The following KCNQ1 variants were observed in gnomAD, a reference collection of about 807,000 sequenced individuals.
The protein encoded by KCNQ1 is potassium voltage-gated channel subfamily Q member 1.
Under a neutral mutation model 72.4 loss-of-function variants are expected in KCNQ1, and 49 were observed. The ratio of observed to expected loss-of-function variants is 0.68; its 90% CI spans 0.54 to 0.86. The LOEUF is 0.86. Among genes scored for constraint, KCNQ1 ranks in the 40% least tolerant of loss-of-function variants. KCNQ1 has a pLI of 0.00. For synonymous variants in KCNQ1, 450 were observed against 412.6 expected (o/e 1.09, Z -1.10); for missense variants, 790 against 945.1 (o/e 0.84, Z 2.15).
At position 2,588,964 on chromosome 11, in the gene KCNQ1, C is replaced by A. The variant is rs553006255; in HGVS notation, c.1393+110C>A. 7.6e-6 allele frequency: 10 copies of A among 1,309,534 alleles called. No homozygotes were observed. Among genetic ancestry groups the A allele is most frequent in the African/African-American group, 2.9e-5 (2 of 68,846 alleles). The allele number at this position is 1,309,534 out of a possible 1,614,324, so 81.1% of individuals were successfully genotyped here. A position where few individuals can be genotyped will look rare whatever the true frequency, so the allele number is the denominator to read the frequency against. The stretch of plus-strand genomic sequence containing the variant: ...TCCCTTGGGCTGTGGTCTCTGACAA[C>A]GAGGTATGAACAGACAGAGGGTGGA... On this transcript the variant is annotated intron_variant, in intron 10 of 15. Transcript: ENST00000155840. This position sits in a 1 kb window ranked among gnomAD's most constrained non-coding sequence, Gnocchi z 5.6.
At chr11:2,561,324 C>T (rs117453411) in intron 2 of KCNQ1, among the ~76,000 whole-genome samples, 2,858 of 152,306 alleles carry the variant, frequency 0.019, 38 homozygotes, top group Middle Eastern at 0.041. Flanking sequence ...TGGGCCAGCA[C>T]GGGACGGGGC....
chr11:2,478,858 T>C lies in KCNQ1; in HGVS notation c.386+33374T>C, dbSNP rs1029869506. ...GGCAAGTCCCTTCCACCTATGAGCC[T>C]GTAAAATCAAAAGCAAGTTAGTTAA... On this transcript the variant is annotated intron_variant, in intron 1 of 15. Coordinates refer to ENST00000155840, the MANE Select transcript of KCNQ1 (RefSeq NM_000218.3). The surrounding 1 kb of genome is among the most constrained non-coding windows in gnomAD (Gnocchi z 4.0). Among the ~76,000 whole-genome samples, 2 of 152,204 alleles carry C rather than the reference T, an allele frequency of 1.3e-5. No homozygotes were observed. The highest frequency in any genetic ancestry group is 2.4e-5 in the African/African-American group (1 of 41,442).
chr11:2,640,273 C>G (rs1392871023), intron 10 of KCNQ1: 5 of 397,612 alleles, frequency 1.3e-5, no homozygotes, highest in East Asian at 3.6e-5. Context: ...GTTGGAAATG[C>G]AGAAATCACC....
chr11:2,465,049 G>A (rs371968355), intron 1 of KCNQ1, among the ~76,000 whole-genome samples: 3 of 152,302 alleles, frequency 2.0e-5, no homozygotes, highest in South Asian at 4.1e-4. Context: ...ATGGGTAACG[G>A]CCGCTCCTTC....
intron 1 of KCNQ1, among the ~76,000 whole-genome samples, chr11:2,469,133 C>T (rs1437374744): frequency 6.6e-6 from 1 of 152,200 alleles, no homozygotes. Context: ...CCCTCCCTGG[C>T]ATTCCTGGTG....
chr11:2,582,201 C>T (rs989988651), intron 6 of KCNQ1, among the ~76,000 whole-genome samples: 1 of 152,190 alleles, frequency 6.6e-6, no homozygotes, highest in Non-Finnish European at 1.5e-5. Context: ...TGGGCAGTCG[C>T]GTGAGCCGTG....
Position 2,735,616 on chromosome 11 carries a change from C to T in KCNQ1, c.1515-33228C>T, listed in dbSNP as rs929159872. On this transcript the variant is annotated intron_variant, in intron 11 of 15. Coordinates refer to ENST00000155840, the MANE Select transcript of KCNQ1 (RefSeq NM_000218.3). The surrounding 1 kb of genome is among the most constrained non-coding windows in gnomAD (Gnocchi z 7.7). ...AGCACTTGGAGGAGCTGGGGGATGACATGAGTCCACTCCGCTGTCACCACC... is the reference window on the plus strand; with the variant it reads ...AGCACTTGGAGGAGCTGGGGGATGATATGAGTCCACTCCGCTGTCACCACC... Among the ~76,000 whole-genome samples the T allele has an allele frequency of 2.0e-5, 3 of 152,110 alleles. No individual in the cohort carries two copies. The highest frequency in any genetic ancestry group is 7.2e-5 in the African/African-American group (3 of 41,410).
intron 12 of KCNQ1, among the ~76,000 whole-genome samples, chr11:2,773,881 AC>A (rs1846646621): frequency 1.3e-5 from 2 of 149,906 alleles, no homozygotes; most frequent in South Asian, 4.3e-4. Context: ...TCAGCAACCC[AC>A]CTTACAGAAG....
rs1407429428 is a variant in KCNQ1 at position 2,768,465 on chromosome 11, T to C, written c.1515-379T>C. 6.6e-6 allele frequency among the ~76,000 whole-genome samples: 1 copy of C among 152,108 alleles called. No individual in the cohort carries two copies. Among genetic ancestry groups the C allele is most frequent in the Non-Finnish European group, 1.5e-5 (1 of 68,022 alleles). ...TGGGCATCGCCAGCATGTACCCTCT[T>C]ATCCCATTTGCTGACAAGGATCCTG... On this transcript the variant is annotated intron_variant, in intron 11 of 15. Coordinates refer to ENST00000155840, the MANE Select transcript of KCNQ1 (RefSeq NM_000218.3). This position sits in a 1 kb window ranked among gnomAD's most constrained non-coding sequence, Gnocchi z 6.7.
rs565975221 is a variant in KCNQ1 at position 2,734,408 on chromosome 11, C to T, written c.1515-34436C>T. Among the ~76,000 whole-genome samples, 7 of 152,352 alleles carry T rather than the reference C, an allele frequency of 4.6e-5. No individual in the cohort carries two copies. The highest frequency in any genetic ancestry group is 1.9e-4 in the East Asian group (1 of 5,178). On this transcript the variant is annotated intron_variant, in intron 11 of 15. Coordinates refer to ENST00000155840, the MANE Select transcript of KCNQ1 (RefSeq NM_000218.3). The surrounding 1 kb of genome is among the most constrained non-coding windows in gnomAD (Gnocchi z 7.0). ...GGAAGCTTCACAGCCCCCCGGCCAC[C>T]GCAGGTCGGGGGAGCACTGTCCCCG...
chr11:2,719,315 G>A (rs1433293483), intron 11 of KCNQ1, among the ~76,000 whole-genome samples: 6 of 135,186 alleles, frequency 4.4e-5, no homozygotes, highest in African/African-American at 1.1e-4. Flanking sequence ...GCAGTATAAC[G>A]AGACTCTGTC....
intron 2 of KCNQ1, among the ~76,000 whole-genome samples, chr11:2,545,751 TG>T (rs1847895348): frequency 6.6e-6 from 1 of 152,200 alleles, no homozygotes; most frequent in South Asian, 2.1e-4. Flanking sequence ...TTTGGTATTT[TG>T]TGTATTTGAA....
Position 2,723,197 on chromosome 11 carries a change from C to T in KCNQ1, c.1515-45647C>T, listed in dbSNP as rs1845701438. Reference sequence around the variant, plus strand: ...TGAGAGGGGTGTGGTGCTGCTTGTCCGTGGTGCTCCACACACCTGCCACAG... The same window carrying T: ...TGAGAGGGGTGTGGTGCTGCTTGTCTGTGGTGCTCCACACACCTGCCACAG... On this transcript the variant is annotated intron_variant, in intron 11 of 15. Transcript: ENST00000155840. This position sits in a 1 kb window ranked among gnomAD's most constrained non-coding sequence, Gnocchi z 4.2. 6.6e-6 allele frequency among the ~76,000 whole-genome samples: 1 copy of T among 152,218 alleles called. No homozygotes were observed. Among genetic ancestry groups the T allele is most frequent in the African/African-American group, 2.4e-5 (1 of 41,442 alleles).
chr11:2,777,068 C>G, intron 14 of KCNQ1, 36 bp downstream of exon 14: 1 of 1,606,832 alleles, frequency 6.2e-7, no homozygotes, highest in Non-Finnish European at 8.5e-7. Flanking sequence ...GGCCCAGCAG[C>G]CTGCAATGGA....
chr11:2,474,538 T>C (rs1415010355), intron 1 of KCNQ1, among the ~76,000 whole-genome samples: 1 of 152,192 alleles, frequency 6.6e-6, no homozygotes, highest in Non-Finnish European at 1.5e-5. Flanking sequence ...TCAGCACAGG[T>C]GGCTTTGGTG....
chr11:2,451,442 T>A lies in KCNQ1; in HGVS notation c.386+5958T>A, dbSNP rs1168587248. Among the ~76,000 whole-genome samples, 1 of 152,074 alleles carries A rather than the reference T, an allele frequency of 6.6e-6. No homozygotes were observed. Among genetic ancestry groups the A allele is most frequent in the Non-Finnish European group, 1.5e-5 (1 of 68,006 alleles). Reference sequence around the variant, plus strand: ...TCCCTAACAGGCCACGGACCCGGGGTTGGAGAACCCTGTCTTAGAGGATTG... The same window carrying A: ...TCCCTAACAGGCCACGGACCCGGGGATGGAGAACCCTGTCTTAGAGGATTG... On this transcript the variant is annotated intron_variant, in intron 1 of 15. Transcript: ENST00000155840. The surrounding 1 kb of genome is among the most constrained non-coding windows in gnomAD (Gnocchi z 6.4).
intron 1 of KCNQ1, among the ~76,000 whole-genome samples, chr11:2,459,234 C>G (rs7948689): frequency 6.6e-6 from 1 of 151,960 alleles, no homozygotes; most frequent in Non-Finnish European, 1.5e-5. Flanking sequence ...CTGGGCGCCC[C>G]GTGGCGCCCG....
At position 2,848,375 on chromosome 11, in the gene KCNQ1, AGGGGGCTTCCTGAGGGGAGAC is replaced by A. The variant is rs772427083; in HGVS notation, c.*373_*393del. On this transcript the variant is annotated 3_prime_UTR_variant, in exon 16 of 16. Transcript: ENST00000155840. ...AGTGCAGGCCCACCCTGCTTGGCCCAGGGGGCTTCCTGAGGGGAGACAGAGCAACCCCTGGACCCCAGCCTC... is the reference window on the plus strand; with the variant it reads ...AGTGCAGGCCCACCCTGCTTGGCCCAAGAGCAACCCCTGGACCCCAGCCTC... The A allele has an allele frequency of 1.9e-6, 1 of 514,060 alleles. No homozygotes were observed. The allele number at this position is 514,060 out of a possible 1,614,324, so 31.8% of individuals were successfully genotyped here.
intron 10 of KCNQ1, chr11:2,610,126 C>T (rs1456355984): frequency 2.5e-6 from 1 of 397,708 alleles, no homozygotes; most frequent in Non-Finnish European, 4.4e-6. Flanking sequence ...CTAGTGACTA[C>T]TTTCTAATAT....
Sources: gnomAD v4.1 joint callset for allele counts (sites outside exome capture counted in the v4.1 genomes callset) on GRCh38, gnomAD v4.1.1 for gene constraint, Gnocchi (gnomAD v3.1) non-coding constraint, MANE v1.5 for transcripts, NCBI Gene and HGNC (gene_info 2026-07-23, HGNC 2026-07-21) for gene names.